The following MAPRE2 variants were observed in gnomAD, a reference collection of about 807,000 sequenced individuals.
The protein encoded by MAPRE2 is microtubule-associated protein RP/EB family member 2.
MAPRE2 carries 13 observed loss-of-function variants against 43.2 expected under a neutral mutation model. That is an observed-to-expected ratio of 0.30 (90% CI 0.20 to 0.48). The LOEUF (loss-of-function observed/expected upper bound fraction) is 0.48, where lower values mean the gene tolerates loss of function less well. Among genes scored for constraint, MAPRE2 ranks in the 20% least tolerant of loss-of-function variants. MAPRE2 has a pLI of 0.99. For synonymous variants in MAPRE2, 135 were observed against 148.8 expected (o/e 0.91, Z 0.68); for missense variants, 161 against 400.2 (o/e 0.40, Z 5.10).
chr18:34,986,415 A>G (rs751038965), intron 1 of MAPRE2, among the ~76,000 whole-genome samples: 3 of 152,154 alleles, frequency 2.0e-5, no homozygotes, highest in Non-Finnish European at 4.4e-5. Context: ...AGCTCTCCAT[A>G]AAGTGGAAAA....
At chr18:35,072,580 A>G (rs1283292435) in intron 2 of MAPRE2, among the ~76,000 whole-genome samples, 1 of 152,240 alleles carries the variant, frequency 6.6e-6, no homozygotes, top group Non-Finnish European at 1.5e-5. Flanking sequence ...AACAAATTGT[A>G]ATTTTTAGAT....
In MAPRE2 at chr18:35,110,562, A is replaced by T. The variant is rs190635802; in HGVS notation, c.610+8403A>T. Among the ~76,000 whole-genome samples the T allele has an allele frequency of 5.7e-3, 874 of 152,204 alleles. 7 individuals are homozygous for T. Among genetic ancestry groups the T allele is most frequent in the African/African-American group, 0.02 (843 of 41,546 alleles). ...AACGTTCTTCATTTCTGAACACCCA[A>T]GTTCCCTAGCGGTTTCATTTCTCTT... On this transcript the variant is annotated intron_variant, in intron 4 of 6. Coordinates refer to ENST00000300249, the MANE Select transcript of MAPRE2 (RefSeq NM_014268.4).
At chr18:35,062,928 C>G (rs533088039) in intron 1 of MAPRE2, among the ~76,000 whole-genome samples, 2 of 152,190 alleles carry the variant, frequency 1.3e-5, no homozygotes, top group African/African-American at 4.8e-5. Flanking sequence ...TGTATTTACC[C>G]TAAACTGTTG....
At chr18:35,069,450 A>C (rs1245867371) in intron 1 of MAPRE2, among the ~76,000 whole-genome samples, 2 of 152,142 alleles carry the variant, frequency 1.3e-5, no homozygotes, top group African/African-American at 4.8e-5. Context: ...GATTATTGGC[A>C]CTTACTCCAA....
At chr18:35,034,470 A>G (rs1603392140) in intron 2 of MAPRE2, among the ~76,000 whole-genome samples, 2 of 152,276 alleles carry the variant, frequency 1.3e-5, no homozygotes, top group South Asian at 4.1e-4. Context: ...TCATGTCTAA[A>G]ACACCAAAAG....
chr18:35,111,472 A>G (rs1909170635), intron 4 of MAPRE2, among the ~76,000 whole-genome samples: 1 of 152,084 alleles, frequency 6.6e-6, no homozygotes, highest in South Asian at 2.1e-4. Context: ...GGCTCTTTAT[A>G]TGTCAAATAA....
chr18:35,021,515 G>A (rs912415750), intron 2 of MAPRE2, among the ~76,000 whole-genome samples: 1 of 151,990 alleles, frequency 6.6e-6, no homozygotes, highest in African/African-American at 2.4e-5. Flanking sequence ...AGAAGAAAAC[G>A]TTTAATAAAT....
chr18:35,130,805 C>A (rs544830828), intron 5 of MAPRE2, among the ~76,000 whole-genome samples: 45 of 152,116 alleles, frequency 3.0e-4, no homozygotes, highest in Non-Finnish European at 5.3e-4. Flanking sequence ...GCCTGTGGGA[C>A]TATGGTAGAC....
intron 1 of MAPRE2, among the ~76,000 whole-genome samples, chr18:34,981,249 C>T (rs2097016057): frequency 6.6e-6 from 1 of 152,068 alleles, no homozygotes; most frequent in South Asian, 2.1e-4. Context: ...TGGCACACAC[C>T]TGTAGTCCCA....
chr18:35,081,251 A>G (rs1317889188), intron 2 of MAPRE2, among the ~76,000 whole-genome samples: 1 of 152,126 alleles, frequency 6.6e-6, no homozygotes, highest in Admixed American at 6.5e-5. Context: ...TACTGTGGTC[A>G]TATGATTGAA....
chr18:35,065,037 G>A (rs992812454), intron 1 of MAPRE2, among the ~76,000 whole-genome samples: 2 of 152,228 alleles, frequency 1.3e-5, no homozygotes, highest in African/African-American at 4.8e-5. Context: ...GCTCACGCCT[G>A]TAATCCCAGC....
chr18:35,015,038 T>C (rs769568869), intron 2 of MAPRE2, among the ~76,000 whole-genome samples: 46 of 152,182 alleles, frequency 3.0e-4, no homozygotes, highest in Non-Finnish European at 6.2e-4. Flanking sequence ...GAAAGAATGC[T>C]ACTGCTGTCT....
rs1319052679 is a variant in MAPRE2 at position 34,985,482 on chromosome 18, T to A, written c.-70+8403T>A. Reference sequence around the variant, plus strand: ...ATTGTATATTATATAATATATAATATATATATTGTATATTATATAATATAT... The same window carrying A: ...ATTGTATATTATATAATATATAATAAATATATTGTATATTATATAATATAT... On this transcript the variant is annotated intron_variant, in intron 1 of 7. Transcript: ENST00000413393. 5.7e-5 allele frequency among the ~76,000 whole-genome samples: 3 copies of A among 52,818 alleles called. 1 individual carries two copies. The highest frequency in any genetic ancestry group is 2.4e-4 in the African/African-American group (3 of 12,650). The allele number at this position is 52,818 out of a possible 152,430, so 34.7% of individuals were successfully genotyped here.
At chr18:35,096,215 G>A (rs1908408796) in intron 2 of MAPRE2, among the ~76,000 whole-genome samples, 1 of 152,090 alleles carries the variant, frequency 6.6e-6, no homozygotes, top group Non-Finnish European at 1.5e-5. Context: ...GTAGTGTAAA[G>A]GATGAGGGGA....
intron 1 of MAPRE2, among the ~76,000 whole-genome samples, chr18:34,997,684 C>T (rs1466029075): frequency 3.3e-5 from 5 of 152,132 alleles, no homozygotes; most frequent in Non-Finnish European, 7.4e-5. Flanking sequence ...GGCGTGGTGG[C>T]AGGCACCTGT....
intron 2 of MAPRE2, among the ~76,000 whole-genome samples, chr18:35,077,531 G>A (rs1907428533): frequency 6.6e-6 from 1 of 152,140 alleles, no homozygotes; most frequent in South Asian, 2.1e-4. Context: ...CCAAGGGATG[G>A]GTCATCAAAA....
intron 4 of MAPRE2, among the ~76,000 whole-genome samples, chr18:35,105,465 T>G (rs1251601033): frequency 6.6e-6 from 1 of 152,102 alleles, no homozygotes; most frequent in Non-Finnish European, 1.5e-5. Context: ...AAAGCCATGA[T>G]AGGAGAAAGG....
upstream of MAPRE2, among the ~76,000 whole-genome samples, chr18:35,036,838 C>T (rs374715567): frequency 1.3e-5 from 2 of 152,264 alleles, no homozygotes; most frequent in African/African-American, 4.8e-5. Flanking sequence ...CTACTATCTG[C>T]CAGGTCCTGT....
In MAPRE2 at chr18:35,142,087, T is replaced by C. The variant is rs958850953; in HGVS notation, c.*1718T>C. ...TCCCTTTCTTCTCTCTCCTGCTCAC[T>C]CTGCATTATAGCAGCAGCTTATTTC... On this transcript the variant is annotated 3_prime_UTR_variant, in exon 7 of 7. Transcript: ENST00000300249. 6.6e-6 allele frequency: 1 copy of C among 152,290 alleles called. No homozygotes were observed. The highest frequency in any genetic ancestry group is 1.5e-5 in the Non-Finnish European group (1 of 68,074). 9.4% of individuals were successfully genotyped at this position (152,290 alleles called of 1,614,324 possible).
Sources: allele counts gnomAD v4.1 joint callset (sites outside exome capture counted in the v4.1 genomes callset), GRCh38; gene constraint gnomAD v4.1.1; transcripts MANE v1.5; gene names NCBI Gene and HGNC (gene_info 2026-07-23, HGNC 2026-07-21).